Variants in CDK8 observed in about 807,000 individuals in gnomAD.
The protein encoded by CDK8 is cyclin dependent kinase 8.
CDK8 carries 29 observed loss-of-function variants against 71.5 expected under a neutral mutation model. The ratio of observed to expected loss-of-function variants is 0.41; its 90% CI spans 0.30 to 0.55. The LOEUF is 0.55. Ranked by LOEUF, CDK8 falls within the 20% of genes least tolerant of loss-of-function variation. The probability of loss-of-function intolerance (pLI) is 0.37; values close to 1 mark genes in which losing one functional copy is unlikely to be tolerated. For missense variants in CDK8, 288 were observed against 572.6 expected, an observed-to-expected ratio of 0.50 and a Z score of 5.07; for synonymous variants, 161 against 192.1, an observed-to-expected ratio of 0.84 and a Z score of 1.34.
chr13:26,373,177 G>A (rs773452596), intron 4 of CDK8, among the ~76,000 whole-genome samples: 32 of 152,076 alleles, frequency 2.1e-4, no homozygotes, highest in Non-Finnish European at 4.1e-4. Context: ...TCACCATCCT[G>A]TACATACTAG....
In CDK8 at chr13:26,266,151, G is replaced by A. The variant is rs116834020; in HGVS notation, c.128+11382G>A. 2.6e-3 allele frequency among the ~76,000 whole-genome samples: 392 copies of A among 152,292 alleles called. 3 individuals are homozygous for A. The highest frequency in any genetic ancestry group is 8.8e-3 in the African/African-American group (366 of 41,560). On this transcript the variant is annotated intron_variant, in intron 1 of 12. Transcript: ENST00000381527. ...AAAACAGAAAGAGGAGCAAGCTTGA[G>A]GTGGAAGATGATGATTGAGCTTTGA...
At chr13:26,399,499 G>C (rs1217722785) in intron 9 of CDK8, among the ~76,000 whole-genome samples, 2 of 152,314 alleles carry the variant, frequency 1.3e-5, no homozygotes, top group Non-Finnish European at 2.9e-5. Flanking sequence ...TGATTCTCAT[G>C]CATCCTAAAG....
At chr13:26,367,385 A>AT (rs35642800) in intron 4 of CDK8, among the ~76,000 whole-genome samples, 46 of 149,404 alleles carry the variant, frequency 3.1e-4, no homozygotes, top group Admixed American at 1.1e-3. Context: ...TCCTTGAATA[A>AT]TTTTTTTTTT....
chr13:26,308,106 C>T (rs1874123272), intron 1 of CDK8, among the ~76,000 whole-genome samples: 1 of 152,192 alleles, frequency 6.6e-6, no homozygotes. Flanking sequence ...CATTCGTAAA[C>T]AATTTTCTAG....
At chr13:26,391,230 T>C (rs1048828591) in intron 6 of CDK8, among the ~76,000 whole-genome samples, 2 of 152,040 alleles carry the variant, frequency 1.3e-5, no homozygotes, top group African/African-American at 4.8e-5. Context: ...ATAAGTTATT[T>C]TTCCTGTTGA....
chr13:26,322,663 G>A (rs775115124), intron 1 of CDK8, among the ~76,000 whole-genome samples: 7 of 152,136 alleles, frequency 4.6e-5, no homozygotes, highest in Non-Finnish European at 1.0e-4. Flanking sequence ...GTGCTAAATT[G>A]TATATTGAAA....
intron 2 of CDK8, among the ~76,000 whole-genome samples, chr13:26,342,727 A>G (rs899581162): frequency 5.9e-5 from 9 of 152,188 alleles, no homozygotes. Context: ...CCTAAAAACA[A>G]CAACAACAAA....
chr13:26,397,271 T>G, intron 9 of CDK8, 46 bp downstream of exon 9: 1 of 1,242,962 alleles, frequency 8.0e-7, no homozygotes, highest in South Asian at 1.3e-5. Context: ...TTTTCCTTAA[T>G]TGACTAGCCC....
intron 4 of CDK8, among the ~76,000 whole-genome samples, chr13:26,365,421 T>C (rs1324225378): frequency 6.6e-6 from 1 of 152,150 alleles, no homozygotes; most frequent in Non-Finnish European, 1.5e-5. Flanking sequence ...AATAAAAAAG[T>C]GGCCCACTTC....
intron 1 of CDK8, among the ~76,000 whole-genome samples, chr13:26,302,376 C>T (rs563263561): frequency 2.0e-5 from 3 of 152,276 alleles, no homozygotes. Flanking sequence ...TTTGAGTTTC[C>T]TATATATGAA....
chr13:26,307,820 A>G lies in CDK8; in HGVS notation c.129-29747A>G, dbSNP rs541506374. Among the ~76,000 whole-genome samples the G allele has an allele frequency of 1.6e-4, 25 of 152,304 alleles. No homozygotes were observed. The East Asian group carries it at 4.8e-3, about 29-fold the overall frequency. The stretch of plus-strand genomic sequence containing the variant: ...TTTAAACTTCATAAGAACGGTACCT[A>G]ATAATGCTTATTCTGCAACTTAAAA... On this transcript the variant is annotated intron_variant, in intron 1 of 12. Coordinates refer to ENST00000381527, the MANE Select transcript of CDK8 (RefSeq NM_001260.3).
intron 7 of CDK8, 80 bp from the exon 8 acceptor site, chr13:26,396,205 T>C: frequency 7.4e-6 from 4 of 537,668 alleles, no homozygotes; most frequent in Non-Finnish European, 1.3e-5. Flanking sequence ...GGAAATGTAA[T>C]GAACGTGGTA....
rs71658821 is a variant in CDK8 at position 26,273,664 on chromosome 13, A to AATAT, written c.128+18907_128+18910dup. The stretch of plus-strand genomic sequence containing the variant: ...TATGTTATTTCCAGGTGCTTTAAAA[A>AATAT]ATATATATATATATAGTACTATTGG... On this transcript the variant is annotated intron_variant, in intron 1 of 12. Transcript: ENST00000381527. Among the ~76,000 whole-genome samples, 9 of 150,460 alleles carry AATAT rather than the reference A, an allele frequency of 6.0e-5. No individual in the cohort carries two copies. In the East Asian group the frequency reaches 7.7e-4, roughly 13 times the overall value.
chr13:26,390,052 C>G (rs1875675165), intron 6 of CDK8, among the ~76,000 whole-genome samples: 2 of 152,206 alleles, frequency 1.3e-5, no homozygotes, highest in South Asian at 4.2e-4. Flanking sequence ...GGAACCTTTT[C>G]TTTAATACCA....
intron 1 of CDK8, among the ~76,000 whole-genome samples, chr13:26,302,202 G>A (rs980629413): frequency 3.3e-5 from 5 of 152,192 alleles, no homozygotes; most frequent in Non-Finnish European, 7.4e-5. Context: ...TGCAATGGAT[G>A]CCTTCTTTAT....
At chr13:26,381,855 T>A (rs910977051) in intron 4 of CDK8, among the ~76,000 whole-genome samples, 18 of 152,102 alleles carry the variant, frequency 1.2e-4, no homozygotes, top group African/African-American at 4.1e-4. Context: ...TCACTACATA[T>A]GGTTAGAGAA....
chr13:26,348,317 G>A (rs1394319358), intron 2 of CDK8, among the ~76,000 whole-genome samples: 1 of 152,146 alleles, frequency 6.6e-6, no homozygotes, highest in African/African-American at 2.4e-5. Flanking sequence ...CCCTGCGTCA[G>A]CACCGGTACG....
chr13:26,319,327 G>A (rs1874653827), intron 1 of CDK8, among the ~76,000 whole-genome samples: 1 of 152,038 alleles, frequency 6.6e-6, no homozygotes, highest in African/African-American at 2.4e-5. Context: ...AAAACAGCTG[G>A]GCGTGGTGGC....
intron 2 of CDK8, among the ~76,000 whole-genome samples, chr13:26,348,808 A>G (rs185146815): frequency 2.4e-4 from 36 of 152,308 alleles, no homozygotes; most frequent in African/African-American, 8.4e-4. Flanking sequence ...TGTTAGATAT[A>G]TTTTACCACA....
Sources: gnomAD v4.1 joint callset for allele counts (sites outside exome capture counted in the v4.1 genomes callset) on GRCh38, gnomAD v4.1.1 for gene constraint, MANE v1.5 for transcripts, NCBI Gene and HGNC (gene_info 2026-07-23, HGNC 2026-07-21) for gene names.